SGCZ: variants seen among roughly 807,000 people sequenced by gnomAD.
The protein encoded by SGCZ is sarcoglycan zeta.
Under a neutral mutation model 41.3 loss-of-function variants are expected in SGCZ, and 40 were observed. The observed-to-expected ratio is 0.97, with a 90% CI of 0.75 to 1.26. SGCZ has a LOEUF of 1.26. Among genes scored for constraint, SGCZ ranks in the 50% most tolerant of loss-of-function variants. The pLI is 0.00. For synonymous variants in SGCZ, 206 were observed against 137.5 expected, an observed-to-expected ratio of 1.50 and a Z score of -3.49; for missense variants, 552 against 369.8, an observed-to-expected ratio of 1.49 and a Z score of -4.04.
chr8:14,156,617 AAAACT>A (rs1345541791), intron 5 of SGCZ, among the ~76,000 whole-genome samples: 1 of 152,244 alleles, frequency 6.6e-6, no homozygotes, highest in Non-Finnish European at 1.5e-5. Flanking sequence ...ATAGCTGTAC[AAAACT>A]AAACTATTTC....
intron 1 of SGCZ, among the ~76,000 whole-genome samples, chr8:14,699,180 CACACATATAT>C (rs1471916969): frequency 6.7e-6 from 1 of 150,260 alleles, no homozygotes; most frequent in African/African-American, 2.4e-5. Context: ...TGTATATACA[CACACATATAT>C]ACACATATAT....
At chr8:15,131,319 G>T (rs2116973753) in intron 1 of SGCZ, among the ~76,000 whole-genome samples, 1 of 152,210 alleles carries the variant, frequency 6.6e-6, no homozygotes, top group East Asian at 1.9e-4. Flanking sequence ...CTTATAAGGG[G>T]TTTCCCCTTT....
At chr8:14,443,027 G>T (rs1345104787) in intron 2 of SGCZ, among the ~76,000 whole-genome samples, 1 of 152,096 alleles carries the variant, frequency 6.6e-6, no homozygotes, top group African/African-American at 2.4e-5. Context: ...CAGCCAAACA[G>T]AGAGCCAAAT....
At chr8:14,281,939 T>C (rs1291665135) in intron 3 of SGCZ, among the ~76,000 whole-genome samples, 1 of 152,116 alleles carries the variant, frequency 6.6e-6, no homozygotes, top group East Asian at 1.9e-4. Flanking sequence ...CTACACTCCA[T>C]TTTGCATTTA....
chr8:14,427,084 ATGAG>A (rs1256735269), intron 2 of SGCZ, among the ~76,000 whole-genome samples: 3 of 120,268 alleles, frequency 2.5e-5, no homozygotes, highest in Admixed American at 7.5e-5. Flanking sequence ...GAACGAATGA[ATGAG>A]TGAATGAATG....
At chr8:14,802,462 C>T (rs1801352379) in intron 1 of SGCZ, among the ~76,000 whole-genome samples, 1 of 152,148 alleles carries the variant, frequency 6.6e-6, no homozygotes, top group African/African-American at 2.4e-5. Flanking sequence ...ATAAATACCC[C>T]CATTCAGGGG....
intron 3 of SGCZ, among the ~76,000 whole-genome samples, chr8:14,294,498 C>T (rs1800947178): frequency 6.6e-6 from 1 of 151,868 alleles, no homozygotes; most frequent in Admixed American, 6.6e-5. Flanking sequence ...TCTTATCTTA[C>T]ATAAATTTTT....
chr8:14,315,412 T>G (rs1210525143), intron 3 of SGCZ, among the ~76,000 whole-genome samples: 1 of 152,038 alleles, frequency 6.6e-6, no homozygotes, highest in Admixed American at 6.6e-5. Context: ...AGCACTATAG[T>G]CAAATAGCAA....
chr8:14,148,503 C>G (rs1234093949), intron 5 of SGCZ, among the ~76,000 whole-genome samples: 1 of 151,836 alleles, frequency 6.6e-6, no homozygotes, highest in Non-Finnish European at 1.5e-5. Context: ...AAAACCTGAA[C>G]AGACCAATAA....
chr8:14,500,553 A>T (rs1350637999), intron 2 of SGCZ, among the ~76,000 whole-genome samples: 1 of 152,074 alleles, frequency 6.6e-6, no homozygotes, highest in African/African-American at 2.4e-5. Flanking sequence ...CAGCAAAAAA[A>T]GTCAACCGTG....
intron 4 of SGCZ, among the ~76,000 whole-genome samples, chr8:14,212,576 T>G (rs1187790275): frequency 6.6e-6 from 1 of 151,012 alleles, no homozygotes; most frequent in Admixed American, 6.6e-5. Flanking sequence ...CTAAACCAGG[T>G]GGCGTGACTG....
At chr8:15,135,059 G>C (rs1808057044) in intron 1 of SGCZ, among the ~76,000 whole-genome samples, 1 of 152,120 alleles carries the variant, frequency 6.6e-6, no homozygotes, top group African/African-American at 2.4e-5. Context: ...CTTCATATCT[G>C]AAATGCTGTC....
chr8:15,091,974 G>A (rs900066890), intron 1 of SGCZ, among the ~76,000 whole-genome samples: 10 of 152,038 alleles, frequency 6.6e-5, no homozygotes, highest in East Asian at 1.9e-4. Flanking sequence ...GGCTGGCCTC[G>A]AAATCCTGGG....
intron 2 of SGCZ, among the ~76,000 whole-genome samples, chr8:14,477,773 G>T (rs17119335): frequency 6.6e-6 from 1 of 152,266 alleles, no homozygotes; most frequent in East Asian, 1.9e-4. Flanking sequence ...TGTAGGAAAT[G>T]TGTCTGAAAA....
chr8:14,456,385 G>A (rs575512637), intron 2 of SGCZ, among the ~76,000 whole-genome samples: 16 of 152,182 alleles, frequency 1.1e-4, no homozygotes, highest in African/African-American at 2.2e-4. Flanking sequence ...TCCAGCCTGC[G>A]CAAGAAGAGT....
intron 1 of SGCZ, among the ~76,000 whole-genome samples, chr8:14,663,353 GC>G (rs1647932341): frequency 6.6e-6 from 1 of 151,998 alleles, no homozygotes; most frequent in Non-Finnish European, 1.5e-5. Flanking sequence ...GTAAATGTAT[GC>G]CATCTGTAGG....
intron 1 of SGCZ, among the ~76,000 whole-genome samples, chr8:14,572,600 T>C (rs1804588320): frequency 6.6e-6 from 1 of 152,134 alleles, no homozygotes. Flanking sequence ...GCAGGAGACA[T>C]AGGAGGAGGC....
chr8:14,630,137 T>C (rs558660717), intron 1 of SGCZ, among the ~76,000 whole-genome samples: 21 of 152,154 alleles, frequency 1.4e-4, no homozygotes, highest in Non-Finnish European at 2.9e-4. Flanking sequence ...CTTCTCCCTA[T>C]GAAAGCAAAA....
At chr8:14,663,422 T>C (rs1436153889) in intron 1 of SGCZ, among the ~76,000 whole-genome samples, 1 of 152,208 alleles carries the variant, frequency 6.6e-6, no homozygotes, top group Non-Finnish European at 1.5e-5. Flanking sequence ...CAACTAATTA[T>C]GTCCAGGTGA....
Sources: allele counts gnomAD v4.1 joint callset (sites outside exome capture counted in the v4.1 genomes callset), GRCh38; gene constraint gnomAD v4.1.1; transcripts MANE v1.5; gene names NCBI Gene and HGNC (gene_info 2026-07-23, HGNC 2026-07-21).